The following SORCS3 variants were observed in gnomAD, a reference collection of about 807,000 sequenced individuals.
SORCS3 encodes the protein sortilin related VPS10 domain containing receptor 3, also known as VPS10 domain-containing receptor SorCS3.
Under a neutral mutation model 146.3 loss-of-function variants are expected in SORCS3, and 57 were observed. That is an observed-to-expected ratio of 0.39 (90% CI 0.31 to 0.49). The LOEUF is 0.49. Ranked by LOEUF, SORCS3 falls within the 20% of genes least tolerant of loss-of-function variation. The pLI, the probability that SORCS3 is intolerant of heterozygous loss-of-function variation, is 0.92. For synonymous variants in SORCS3, 653 were observed against 618.5 expected, an observed-to-expected ratio of 1.06 and a Z score of -0.83; for missense variants, 1,341 against 1,575.5, an observed-to-expected ratio of 0.85 and a Z score of 2.52.
chr10:104,778,678 T>C (rs376260664), intron 1 of SORCS3, among the ~76,000 whole-genome samples: 17 of 152,222 alleles, frequency 1.1e-4, no homozygotes, highest in African/African-American at 4.1e-4. Flanking sequence ...CAACCACTAA[T>C]ATCCCAGGCA....
At chr10:105,093,253 C>G (rs1253973560) in intron 6 of SORCS3, among the ~76,000 whole-genome samples, 2 of 152,116 alleles carry the variant, frequency 1.3e-5, no homozygotes, top group Non-Finnish European at 2.9e-5. Flanking sequence ...TGATTCACAA[C>G]TTATACAAAA....
Position 104,641,867 on chromosome 10 carries a change from C to A in SORCS3, c.540C>A (p.Asp180Glu). 6.3e-7 allele frequency: 1 copy of A among 1,582,426 alleles called. No homozygotes were observed. Among genetic ancestry groups the A allele is most frequent in the Admixed American group, 1.8e-5 (1 of 57,082 alleles). Residue 180 changes from aspartate (D) to glutamate (E), a missense_variant, in exon 1 of 27, where the codon GAC (aspartate) becomes GAA (glutamate). Physicochemically the swap from Asp to Glu is conservative, Grantham distance 45. Transcript: ENST00000369701. The surrounding 1 kb of genome is among the most constrained non-coding windows in gnomAD (Gnocchi z 6.4). ...GGGCTGGGGGGTCGGCGGCTGAAGA[C>A]CTCCGGCTGCCCAGCACCTCCTTCG... ...APRAGGSAAE[D>E]LRLPSTSFAL...
chr10:105,045,220 C>T (rs532135023), intron 5 of SORCS3, among the ~76,000 whole-genome samples: 2 of 152,014 alleles, frequency 1.3e-5, no homozygotes, highest in South Asian at 2.1e-4. Flanking sequence ...CAACATTTTC[C>T]TATATTTTGC....
intron 3 of SORCS3, among the ~76,000 whole-genome samples, chr10:104,977,080 C>T (rs997938584): frequency 1.5e-4 from 23 of 151,886 alleles, no homozygotes; most frequent in Admixed American, 6.6e-4. Flanking sequence ...AAAAAGTTCC[C>T]GGTGCTTAAA....
intron 7 of SORCS3, among the ~76,000 whole-genome samples, chr10:105,124,576 A>T (rs2055959106): frequency 6.6e-6 from 1 of 152,152 alleles, no homozygotes; most frequent in Non-Finnish European, 1.5e-5. Context: ...CTGCAAGCAA[A>T]CATCTGTTAC....
At chr10:104,831,173 A>G (rs1277915150) in intron 1 of SORCS3, among the ~76,000 whole-genome samples, 1 of 152,172 alleles carries the variant, frequency 6.6e-6, no homozygotes, top group Non-Finnish European at 1.5e-5. Context: ...CTCTCTATCA[A>G]GAAAGAGATT....
intron 1 of SORCS3, among the ~76,000 whole-genome samples, chr10:104,736,492 C>T (rs2016774297): frequency 1.3e-5 from 2 of 152,254 alleles, no homozygotes; most frequent in African/African-American, 2.4e-5. Flanking sequence ...AGTGACACTT[C>T]ATTCTGTCAA....
intron 22 of SORCS3, among the ~76,000 whole-genome samples, chr10:105,251,606 G>T (rs2056898809): frequency 6.6e-6 from 1 of 151,940 alleles, no homozygotes; most frequent in Admixed American, 6.6e-5. Context: ...GAGGATGGGG[G>T]TATTTCACCT....
At chr10:104,821,748 G>T (rs1459846299) in intron 1 of SORCS3, among the ~76,000 whole-genome samples, 1 of 152,220 alleles carries the variant, frequency 6.6e-6, no homozygotes, top group African/African-American at 2.4e-5. Flanking sequence ...GGGATTGGAA[G>T]ACTCACCAAT....
At chr10:104,955,780 G>T (rs1029987076) in intron 3 of SORCS3, among the ~76,000 whole-genome samples, 1 of 152,194 alleles carries the variant, frequency 6.6e-6, no homozygotes, top group African/African-American at 2.4e-5. Flanking sequence ...TTCTGGCTGG[G>T]TTCATAAATG....
intron 1 of SORCS3, among the ~76,000 whole-genome samples, chr10:104,706,126 C>G (rs958083360): frequency 6.6e-6 from 1 of 151,680 alleles, no homozygotes. Flanking sequence ...GTTTAAGCTC[C>G]TCTTCTTTGG....
At chr10:105,178,600 GAC>G (rs34722139) in intron 14 of SORCS3, among the ~76,000 whole-genome samples, 11,606 of 151,490 alleles carry the variant, frequency 0.077, 637 homozygotes, top group Admixed American at 0.15. Flanking sequence ...CTCTCTCATA[GAC>G]ACACACACAC....
intron 1 of SORCS3, among the ~76,000 whole-genome samples, chr10:104,693,397 A>C (rs908140476): frequency 2.0e-5 from 3 of 152,208 alleles, no homozygotes; most frequent in Non-Finnish European, 2.9e-5. Context: ...ATGACTTGCC[A>C]TGTTAGGGGA....
At chr10:105,220,735 C>A (rs2056696391) in intron 19 of SORCS3, among the ~76,000 whole-genome samples, 1 of 152,080 alleles carries the variant, frequency 6.6e-6, no homozygotes, top group South Asian at 2.1e-4. Flanking sequence ...CGCCCCACAG[C>A]CTCTTTCTCT....
At chr10:105,170,974 T>C (rs1388821177) in intron 13 of SORCS3, among the ~76,000 whole-genome samples, 1 of 152,126 alleles carries the variant, frequency 6.6e-6, no homozygotes, top group Non-Finnish European at 1.5e-5. Flanking sequence ...GGAAGATAGG[T>C]TAGGTAATCA....
intron 16 of SORCS3, among the ~76,000 whole-genome samples, chr10:105,210,613 A>C (rs1282033620): frequency 6.6e-6 from 1 of 152,204 alleles, no homozygotes; most frequent in African/African-American, 2.4e-5. Flanking sequence ...CTAGGATTTT[A>C]AAGAAACACA....
At chr10:105,197,180 G>A (rs10082496) in intron 14 of SORCS3, among the ~76,000 whole-genome samples, 35,491 of 151,970 alleles carry the variant, frequency 0.23, 4,139 homozygotes, top group East Asian at 0.32. Context: ...TCCCACATAA[G>A]GTCACATTCA....
intron 5 of SORCS3, among the ~76,000 whole-genome samples, chr10:105,086,635 C>T (rs151007117): frequency 6.6e-6 from 1 of 152,300 alleles, no homozygotes; most frequent in Non-Finnish European, 1.5e-5. Context: ...TTTAGTATAG[C>T]ATAGTATTTA....
chr10:104,678,840 G>C (rs988191493), intron 1 of SORCS3, among the ~76,000 whole-genome samples: 1 of 152,160 alleles, frequency 6.6e-6, no homozygotes, highest in African/African-American at 2.4e-5. Context: ...CCCTCCCAGT[G>C]TTATGTTCAG....
Sources: gnomAD v4.1 joint callset for allele counts (sites outside exome capture counted in the v4.1 genomes callset) on GRCh38, gnomAD v4.1.1 for gene constraint, Gnocchi (gnomAD v3.1) non-coding constraint, MANE v1.5 for transcripts, NCBI Gene and HGNC (gene_info 2026-07-23, HGNC 2026-07-21) for gene names.